PSMA8: variants seen among roughly 807,000 people sequenced by gnomAD.
The protein encoded by PSMA8 is proteasome subunit alpha-type 8.
A neutral mutation model predicts 32.4 loss-of-function variants in PSMA8; 18 were observed. That is an observed-to-expected ratio of 0.56 (90% confidence interval 0.38 to 0.82). PSMA8 has a LOEUF of 0.82. PSMA8 is among the 40% of genes least tolerant of loss of function. The pLI, the probability that PSMA8 is intolerant of heterozygous loss-of-function variation, is 0.00. For missense variants in PSMA8, 298 were observed against 300.7 expected (o/e 0.99, Z 0.07); for synonymous variants, 104 against 98.1 (o/e 1.06, Z -0.36).
chr18:26,172,249 G>A (rs887103949), intron 4 of PSMA8, among the ~76,000 whole-genome samples: 1 of 152,198 alleles, frequency 6.6e-6, no homozygotes, highest in African/African-American at 2.4e-5. Flanking sequence ...ATTTTTAAGA[G>A]TATAAATTGC....
intron 4 of PSMA8, chr18:26,170,603 A>C: frequency 2.9e-6 from 2 of 686,904 alleles, no homozygotes; most frequent in Non-Finnish European, 4.5e-6. Context: ...GTGGGGAATA[A>C]AAACTAGTTG....
intron 6 of PSMA8, among the ~76,000 whole-genome samples, chr18:26,183,673 T>A (rs1035405073): frequency 1.3e-5 from 2 of 150,944 alleles, no homozygotes; most frequent in East Asian, 3.9e-4. Context: ...TATGATGCTG[T>A]AAATATTGTT....
intron 6 of PSMA8, among the ~76,000 whole-genome samples, chr18:26,185,905 T>G (rs1456188388): frequency 2.7e-5 from 4 of 150,498 alleles, no homozygotes; most frequent in Non-Finnish European, 5.9e-5. Flanking sequence ...ATTCTCAATT[T>G]TGATAAATCT....
chr18:26,177,285 G>A (rs2055271585), intron 4 of PSMA8, among the ~76,000 whole-genome samples: 1 of 152,160 alleles, frequency 6.6e-6, no homozygotes, highest in Non-Finnish European at 1.5e-5. Flanking sequence ...CTGGCATTTA[G>A]TTTGTGGAGG....
At chr18:26,165,478 G>A (rs2055170829) in intron 4 of PSMA8, among the ~76,000 whole-genome samples, 1 of 152,154 alleles carries the variant, frequency 6.6e-6, no homozygotes, top group Non-Finnish European at 1.5e-5. Context: ...AAAGGAAATA[G>A]GAAGTAAAGA....
chr18:26,174,365 T>C (rs954883347), intron 4 of PSMA8, among the ~76,000 whole-genome samples: 1 of 152,246 alleles, frequency 6.6e-6, no homozygotes, highest in Non-Finnish European at 1.5e-5. Context: ...TCACTTACAA[T>C]ATAGCTTGTA....
At chr18:26,151,815 A>C (rs747568279) in intron 2 of PSMA8, 43 bp from the exon 3 acceptor site, 8 of 1,557,542 alleles carry the variant, frequency 5.1e-6, no homozygotes, top group Non-Finnish European at 6.9e-6. Context: ...ATTGTAAAAA[A>C]TATGTTTTTG....
chr18:26,173,214 G>A (rs913670455), intron 4 of PSMA8, among the ~76,000 whole-genome samples: 9 of 152,082 alleles, frequency 5.9e-5, no homozygotes, highest in African/African-American at 2.2e-4. Context: ...TAACTCCTCC[G>A]TTGCTTTCCT....
chr18:26,150,128 G>T (rs1039964553), intron 2 of PSMA8, among the ~76,000 whole-genome samples: 2 of 152,102 alleles, frequency 1.3e-5, no homozygotes, highest in African/African-American at 4.8e-5. Flanking sequence ...TCAGATTAGG[G>T]ATGCCCAACC....
chr18:26,134,516 T>C (rs2054895265), intron 1 of PSMA8, among the ~76,000 whole-genome samples: 1 of 152,118 alleles, frequency 6.6e-6, no homozygotes, highest in South Asian at 2.1e-4. Context: ...TTGCTTCATG[T>C]TGGGAACTGT....
chr18:26,135,643 A>G (rs1193612457), intron 1 of PSMA8, among the ~76,000 whole-genome samples: 4 of 152,200 alleles, frequency 2.6e-5, no homozygotes, highest in Non-Finnish European at 4.4e-5. Flanking sequence ...CCAGCATAGC[A>G]TGTAGCATAT....
intron 1 of PSMA8, among the ~76,000 whole-genome samples, chr18:26,144,047 G>A (rs1408731616): frequency 6.6e-6 from 1 of 152,032 alleles, no homozygotes; most frequent in Non-Finnish European, 1.5e-5. Context: ...TTTTGTTAGT[G>A]TTTGTTATAT....
chr18:26,154,911 AG>A (rs2055076024), intron 3 of PSMA8, among the ~76,000 whole-genome samples: 2 of 149,852 alleles, frequency 1.3e-5, no homozygotes, highest in African/African-American at 4.9e-5. Context: ...CACCACACCC[AG>A]CCTACTTTTT....
rs1460454370 is a variant in PSMA8 at position 26,184,105 on chromosome 18, A to C, written c.660+4975A>C. Among the ~76,000 whole-genome samples, 7 of 150,942 alleles carry C rather than the reference A, an allele frequency of 4.6e-5. 1 individual carries two copies. In the East Asian group the frequency reaches 1.4e-3, roughly 30 times the overall value. On this transcript the variant is annotated intron_variant, in intron 6 of 6. Coordinates refer to ENST00000415576, the MANE Select transcript of PSMA8 (RefSeq NM_001025096.2). ...TAGTGTAAACATAACTTTAATATGC[A>C]CTGGGAAACCAAAACATTTATGTGA...
At chr18:26,158,687 G>A (rs2055110694) in intron 4 of PSMA8, among the ~76,000 whole-genome samples, 1 of 152,158 alleles carries the variant, frequency 6.6e-6, no homozygotes, top group South Asian at 2.1e-4. Context: ...TCATGTGCTA[G>A]TACGTAGCAA....
chr18:26,187,776 T>C (rs997133042), intron 6 of PSMA8, among the ~76,000 whole-genome samples: 1 of 152,150 alleles, frequency 6.6e-6, no homozygotes, highest in African/African-American at 2.4e-5. Flanking sequence ...AGAACCTAGA[T>C]ATGTAAAGTA....
At position 26,158,130 on chromosome 18, in the gene PSMA8, C is replaced by A; in HGVS notation, c.363C>A (p.Thr121=). The A allele has an allele frequency of 6.3e-7, 1 of 1,578,630 alleles. No individual in the cohort carries two copies. Among genetic ancestry groups the A allele is most frequent in the African/African-American group, 1.4e-5 (1 of 73,796 alleles). The change falls in exon 4 of 7, where the codon ACC becomes ACA. Residue 121 remains threonine, a synonymous_variant. Coordinates refer to ENST00000415576, the MANE Select transcript of PSMA8 (RefSeq NM_001025096.2). ...ACGTTTTATTTTTCTAGAAATATAC[C>A]CAAAGCAATGGACGAAGACCTTTTG... is the stretch of plus-strand genomic sequence containing the variant. ...RFIATLKQKY[T]QSNGRRPFGI...
At chr18:26,186,558 C>T (rs543299106) in intron 6 of PSMA8, among the ~76,000 whole-genome samples, 94 of 152,100 alleles carry the variant, frequency 6.2e-4, no homozygotes, top group Admixed American at 2.3e-3. Context: ...CTATCCTTGG[C>T]AATTCCAGTT....
intron 4 of PSMA8, among the ~76,000 whole-genome samples, chr18:26,174,759 A>G (rs1326101307): frequency 2.0e-5 from 3 of 152,232 alleles, no homozygotes; most frequent in African/African-American, 4.8e-5. Context: ...GTTAACAGGT[A>G]TTAGGTAAAC....
Sources: allele counts gnomAD v4.1 joint callset (sites outside exome capture counted in the v4.1 genomes callset), GRCh38; gene constraint gnomAD v4.1.1; transcripts MANE v1.5; gene names NCBI Gene and HGNC (gene_info 2026-07-23, HGNC 2026-07-21).